Variants in XPNPEP3 observed in about 807,000 individuals in gnomAD.
XPNPEP3 encodes X-prolyl aminopeptidase 3.
Under a neutral mutation model 60.0 loss-of-function variants are expected in XPNPEP3, and 41 were observed. That is an observed-to-expected ratio of 0.68 (90% confidence interval 0.53 to 0.89). The LOEUF (loss-of-function observed/expected upper bound fraction) is 0.89. Among genes scored for constraint, XPNPEP3 ranks in the 40% least tolerant of loss-of-function variants. The pLI, the probability that XPNPEP3 is intolerant of heterozygous loss-of-function variation, is 0.00. For missense variants in XPNPEP3, 598 were observed against 638.9 expected (o/e 0.94, Z 0.69); for synonymous variants, 212 against 223.2 (o/e 0.95, Z 0.45).
intron 4 of XPNPEP3, among the ~76,000 whole-genome samples, chr22:40,887,079 A>G (rs1421815120): frequency 1.3e-5 from 2 of 152,162 alleles, no homozygotes; most frequent in Admixed American, 1.3e-4. Flanking sequence ...ACAGAAATTA[A>G]TACTGTTTCT....
chr22:40,865,825 A>G (rs571313745), intron 1 of XPNPEP3, among the ~76,000 whole-genome samples: 3 of 152,256 alleles, frequency 2.0e-5, no homozygotes, highest in Admixed American at 2.0e-4. Flanking sequence ...ATGAGCCACC[A>G]TGCCCAGCAC....
chr22:40,903,874 TCACACACACACA>T (rs10560459), intron 4 of XPNPEP3, among the ~76,000 whole-genome samples: 17 of 146,018 alleles, frequency 1.2e-4, no homozygotes, highest in South Asian at 2.2e-4. Flanking sequence ...TCTCTCTCTG[TCACACACACACA>T]CACACACACA....
chr22:40,878,202 A>G (rs367624380), intron 2 of XPNPEP3, among the ~76,000 whole-genome samples: 7 of 149,062 alleles, frequency 4.7e-5, no homozygotes, highest in East Asian at 2.0e-4. Flanking sequence ...ACAAAGCTCT[A>G]TCTCAAAAAA....
chr22:40,926,329 G>T lies in XPNPEP3; in HGVS notation c.1418G>T (p.Arg473Leu). Reference sequence around the variant, plus strand: ...GAGAAGTTTCGGGGTCTTGGTGTACGAATTGAGGATGATGTAGTGGTGACT... The same window carrying T: ...GAGAAGTTTCGGGGTCTTGGTGTACTAATTGAGGATGATGTAGTGGTGACT... The part of the protein sequence containing the change: ...APEKFRGLGV[R>L]IEDDVVVTQD... Residue 473 changes from arginine to leucine, a missense_variant, in exon 10 of 10, where the codon CGA becomes CTA. Transcript: ENST00000357137. 6.2e-7 allele frequency: 1 copy of T among 1,614,138 alleles called. No individual in the cohort carries two copies. Among genetic ancestry groups the T allele is most frequent in the Non-Finnish European group, 8.5e-7 (1 of 1,180,022 alleles).
chr22:40,885,244 T>C (rs990391107), intron 3 of XPNPEP3, among the ~76,000 whole-genome samples: 6 of 152,184 alleles, frequency 3.9e-5, no homozygotes, highest in Admixed American at 2.0e-4. Flanking sequence ...TTTTTAGTCA[T>C]ATAAAATATT....
intron 3 of XPNPEP3, among the ~76,000 whole-genome samples, chr22:40,883,048 C>A (rs1437864479): frequency 1.3e-5 from 2 of 152,130 alleles, no homozygotes; most frequent in Non-Finnish European, 2.9e-5. Flanking sequence ...CGTAGTGAGA[C>A]CCCATCTCCA....
At chr22:40,923,213 T>TAA (rs756878151) in intron 8 of XPNPEP3, among the ~76,000 whole-genome samples, 2 of 137,448 alleles carry the variant, frequency 1.5e-5, no homozygotes. Flanking sequence ...GCCCTGTGTC[T>TAA]AAAAAAAAAA....
intron 4 of XPNPEP3, among the ~76,000 whole-genome samples, chr22:40,906,143 G>A (rs1601513868): frequency 6.6e-6 from 1 of 152,214 alleles, no homozygotes; most frequent in South Asian, 2.1e-4. Flanking sequence ...GTCTCACTAT[G>A]TTGCCCAGGC....
At chr22:40,912,752 C>A (rs1321693234) in intron 6 of XPNPEP3, among the ~76,000 whole-genome samples, 1 of 152,100 alleles carries the variant, frequency 6.6e-6, no homozygotes, top group Non-Finnish European at 1.5e-5. Flanking sequence ...CGCCTGTAGT[C>A]CCAGCTACTC....
intron 4 of XPNPEP3, among the ~76,000 whole-genome samples, chr22:40,889,776 G>C (rs2051440083): frequency 6.6e-6 from 1 of 152,176 alleles, no homozygotes; most frequent in Admixed American, 6.5e-5. Context: ...TTACAGTGAA[G>C]TATTATCACA....
chr22:40,861,725 G>A (rs752095595), intron 1 of XPNPEP3: 6 of 1,613,968 alleles, frequency 3.7e-6, no homozygotes, highest in Middle Eastern at 1.6e-4. Context: ...CTGGCTTATG[G>A]AATGTGAAGC....
At chr22:40,911,721 G>A (rs12167688) in intron 6 of XPNPEP3, among the ~76,000 whole-genome samples, 1 of 151,958 alleles carries the variant, frequency 6.6e-6, no homozygotes, top group African/African-American at 2.4e-5. Flanking sequence ...TGTATTTTTA[G>A]TAGAAACGAG....
At chr22:40,878,551 A>G (rs1305729552) in intron 2 of XPNPEP3, among the ~76,000 whole-genome samples, 1 of 151,550 alleles carries the variant, frequency 6.6e-6, no homozygotes, top group Admixed American at 6.6e-5. Context: ...GGATTTTCTT[A>G]CCTTCTGAAA....
intron 7 of XPNPEP3, chr22:40,917,077 C>CAA: frequency 6.8e-6 from 1 of 146,568 alleles, no homozygotes; most frequent in Non-Finnish European, 1.5e-5. Flanking sequence ...GACCCTGTCG[C>CAA]AAAAAAAAAG....
intron 6 of XPNPEP3, among the ~76,000 whole-genome samples, chr22:40,911,668 T>C (rs904553343): frequency 1.3e-5 from 2 of 151,934 alleles, no homozygotes; most frequent in Non-Finnish European, 2.9e-5. Flanking sequence ...CTCAGCCTCC[T>C]GAGTAGGTGG....
rs1333619813 is a variant in XPNPEP3, at chr22:40,882,098, T to C, written c.510T>C (p.Thr170=). ...TTTGGGATGGTCCGCGATCTGGCAC[T>C]GATGGAGCAATAGCTCTAACTGGAG... ...RELWDGPRSG[T]DGAIALTGVD... The change falls in exon 3 of 10, where the codon ACT becomes ACC. Residue 170 remains threonine, a synonymous_variant. Transcript: ENST00000357137. The C allele has an allele frequency of 6.2e-7, 1 of 1,614,146 alleles. No individual in the cohort carries two copies. The highest frequency in any genetic ancestry group is 1.7e-5 in the Admixed American group (1 of 60,012).
chr22:40,890,938 T>G (rs1019553474), intron 4 of XPNPEP3, among the ~76,000 whole-genome samples: 5 of 152,140 alleles, frequency 3.3e-5, no homozygotes, highest in Middle Eastern at 6.3e-3. Context: ...GCAATTTACC[T>G]CTTCTCATAT....
At chr22:40,879,270 T>C (rs1319653258) in intron 2 of XPNPEP3, among the ~76,000 whole-genome samples, 1 of 152,218 alleles carries the variant, frequency 6.6e-6, no homozygotes, top group Non-Finnish European at 1.5e-5. Context: ...CTTATCACTC[T>C]CTCTTATTTC....
chr22:40,894,380 T>A (rs6002189), intron 4 of XPNPEP3, among the ~76,000 whole-genome samples: 7 of 152,326 alleles, frequency 4.6e-5, no homozygotes, highest in African/African-American at 1.2e-4. Context: ...AATCATTTTT[T>A]AAATTTTTTT....
Sources: gnomAD v4.1 joint callset for allele counts (sites outside exome capture counted in the v4.1 genomes callset) on GRCh38, gnomAD v4.1.1 for gene constraint, MANE v1.5 for transcripts, NCBI Gene and HGNC (gene_info 2026-07-23, HGNC 2026-07-21) for gene names.